RANBP3L: variants seen among roughly 807,000 people sequenced by gnomAD.
RANBP3L encodes the protein RAN binding protein 3 like.
Under a neutral mutation model 67.2 loss-of-function variants are expected in RANBP3L, and 56 were observed. The ratio of observed to expected loss-of-function variants is 0.83; its 90% confidence interval spans 0.67 to 1.04. RANBP3L has a LOEUF of 1.04. RANBP3L is among the 50% of genes least tolerant of loss of function. RANBP3L has a pLI of 0.00. For synonymous variants in RANBP3L, 164 were observed against 181.4 expected (o/e 0.90, Z 0.77); for missense variants, 496 against 535.5 (o/e 0.93, Z 0.73).
At position 36,254,080 on chromosome 5, in the gene RANBP3L, G is replaced by A. The variant is rs73081918; in HGVS notation, c.1025-291C>T. Among the ~76,000 whole-genome samples the A allele has an allele frequency of 7.8e-3, 1,179 of 152,114 alleles. 11 individuals are homozygous for A. Among genetic ancestry groups the A allele is most frequent in the African/African-American group, 0.027 (1,119 of 41,514 alleles). ...TCTGAAGAATATTTGTCCACGAATT[G>A]TCTACAATGAAGAAAACCAAAACAA... is the stretch of plus-strand genomic sequence containing the variant. On this transcript the variant is annotated intron_variant, in intron 11 of 13. Coordinates refer to ENST00000296604, the MANE Select transcript of RANBP3L (RefSeq NM_145000.5).
intron 1 of RANBP3L, among the ~76,000 whole-genome samples, chr5:36,288,350 A>T: frequency 1.3e-5 from 2 of 152,190 alleles, no homozygotes; most frequent in Non-Finnish European, 2.9e-5. Flanking sequence ...CAGTGTGTTA[A>T]TATACCGCAA....
At chr5:36,294,848 CAT>C (rs906184402) in intron 1 of RANBP3L, among the ~76,000 whole-genome samples, 16 of 143,814 alleles carry the variant, frequency 1.1e-4, no homozygotes, top group East Asian at 6.0e-4. Flanking sequence ...GACATATAAA[CAT>C]ATATATACTC....
rs534643617 is a variant in RANBP3L, at chr5:36,276,618, A to AC, written c.92-5308dup. ...TTTTTTTCTATTTTATGTACTATAT[A>AC]CCCCCCCTAATTTTGGGTGGGTTAT... On this transcript the variant is annotated intron_variant, in intron 1 of 13. Coordinates refer to ENST00000296604, the MANE Select transcript of RANBP3L (RefSeq NM_145000.5). 9.9e-5 allele frequency among the ~76,000 whole-genome samples: 15 copies of AC among 151,430 alleles called. No individual in the cohort carries two copies. In the South Asian group the frequency reaches 2.1e-3, roughly 21 times the overall value.
At chr5:36,300,812 T>C (rs1198143396) in intron 1 of RANBP3L, among the ~76,000 whole-genome samples, 1 of 152,102 alleles carries the variant, frequency 6.6e-6, no homozygotes, top group South Asian at 2.1e-4. Context: ...GCCCAGCAAG[T>C]GAAATGTGAC....
chr5:36,263,667 C>G (rs938965688), intron 6 of RANBP3L, among the ~76,000 whole-genome samples: 3 of 152,140 alleles, frequency 2.0e-5, no homozygotes, highest in African/African-American at 7.2e-5. Flanking sequence ...GCTAGGACTA[C>G]AGGCACATGC....
At chr5:36,269,323 T>C in intron 4 of RANBP3L, 67 bp downstream of exon 4, 1 of 943,878 alleles carries the variant, frequency 1.1e-6, no homozygotes, top group Non-Finnish European at 1.7e-6. Flanking sequence ...TTTTGAAAAG[T>C]TTCTCAGTAA....
chr5:36,265,152 C>A (rs1749673771), intron 5 of RANBP3L, 54 bp from the exon 6 acceptor site: 4 of 1,114,780 alleles, frequency 3.6e-6, no homozygotes, highest in South Asian at 3.3e-5. Context: ...TATTCCTTTA[C>A]TCCCTATTTT....
intron 2 of RANBP3L, among the ~76,000 whole-genome samples, chr5:36,270,903 A>T (rs559664096): frequency 6.6e-6 from 1 of 152,342 alleles, no homozygotes; most frequent in Non-Finnish European, 1.5e-5. Context: ...GTAATTTAGA[A>T]TGTGTTTTTT....
At chr5:36,288,787 G>C (rs1751504015) in intron 1 of RANBP3L, among the ~76,000 whole-genome samples, 1 of 152,102 alleles carries the variant, frequency 6.6e-6, no homozygotes. Flanking sequence ...GTGTTTGCCA[G>C]ATCTTTTGCC....
chr5:36,297,056 T>C (rs1299475144), intron 1 of RANBP3L, among the ~76,000 whole-genome samples: 1 of 152,168 alleles, frequency 6.6e-6, no homozygotes, highest in Admixed American at 6.6e-5. Flanking sequence ...ATTTTGCATA[T>C]AACTTTTGCT....
rs570831732 is a variant in RANBP3L, at chr5:36,288,765, T to C, written c.91+12561A>G. On this transcript the variant is annotated intron_variant, in intron 1 of 13. Transcript: ENST00000296604. Reference sequence around the variant, plus strand: ...GATGTGCTTTTGGCCATTTATATACTTTCTTTTTGAAGTGTTTGCCAGATC... The same window carrying C: ...GATGTGCTTTTGGCCATTTATATACCTTCTTTTTGAAGTGTTTGCCAGATC... 3.9e-5 allele frequency among the ~76,000 whole-genome samples: 6 copies of C among 152,310 alleles called. No individual in the cohort carries two copies. The South Asian group carries it at 1.2e-3, about 32-fold the overall frequency.
intron 1 of RANBP3L, among the ~76,000 whole-genome samples, chr5:36,298,393 G>A (rs1372361804): frequency 2.0e-5 from 3 of 152,086 alleles, no homozygotes; most frequent in Non-Finnish European, 4.4e-5. Context: ...TAGTCTGTAT[G>A]CTAAATAATA....
rs1196281797 is a variant in RANBP3L, at chr5:36,271,288, T to C, written c.115A>G (p.Ile39Val). ...TGTTCTCCCTTTTCAAAAACAAATATGGGTTGAGCAATGACAGATTTTTCT... is the reference window on the plus strand; with the variant it reads ...TGTTCTCCCTTTTCAAAAACAAATACGGGTTGAGCAATGACAGATTTTTCT... Reference protein sequence around the residue: ...QQEKSVIAQPIFVFEKGEQTF... With the variant: ...QQEKSVIAQPVFVFEKGEQTF... Residue 39 changes from isoleucine to valine, a missense_variant, in exon 2 of 14, where the codon ATA becomes GTA. Coordinates refer to ENST00000296604, the MANE Select transcript of RANBP3L (RefSeq NM_145000.5). The C allele has an allele frequency of 2.1e-5, 34 of 1,589,646 alleles. No homozygotes were observed. Among genetic ancestry groups the C allele is most frequent in the Non-Finnish European group, 2.8e-5 (33 of 1,158,860 alleles).
intron 1 of RANBP3L, among the ~76,000 whole-genome samples, chr5:36,294,540 G>A (rs2112141205): frequency 6.6e-6 from 1 of 151,922 alleles, no homozygotes; most frequent in South Asian, 2.1e-4. Context: ...TGGGCATTTA[G>A]TGCTATAAAT....
intron 5 of RANBP3L, 92 bp from the exon 6 acceptor site, chr5:36,265,190 G>T: frequency 1.1e-6 from 1 of 890,758 alleles, no homozygotes; most frequent in Non-Finnish European, 1.6e-6. Flanking sequence ...ATTTTCTAAA[G>T]TCATGTTTAA....
intron 1 of RANBP3L, among the ~76,000 whole-genome samples, chr5:36,272,128 A>G (rs1292431077): frequency 1.5e-5 from 1 of 66,994 alleles, no homozygotes; most frequent in African/African-American, 3.7e-5. Flanking sequence ...TCCTCATCTG[A>G]AAAAAAAAAA....
At chr5:36,300,278 T>C (rs1752523444) in intron 1 of RANBP3L, among the ~76,000 whole-genome samples, 1 of 152,170 alleles carries the variant, frequency 6.6e-6, no homozygotes, top group African/African-American at 2.4e-5. Flanking sequence ...GGTCTAAAAG[T>C]TCACATTGTT....
At chr5:36,251,691 CT>C (rs1748607465) in intron 12 of RANBP3L, among the ~76,000 whole-genome samples, 192 bp from the exon 13 acceptor site, 2 of 152,186 alleles carry the variant, frequency 1.3e-5, no homozygotes, top group South Asian at 4.1e-4. Flanking sequence ...AAAATGTATA[CT>C]TTTATAAGCA....
intron 11 of RANBP3L, among the ~76,000 whole-genome samples, chr5:36,255,242 C>T (rs998685664): frequency 3.9e-5 from 6 of 152,024 alleles, no homozygotes; most frequent in African/African-American, 2.4e-5. Flanking sequence ...GATTTAAAAA[C>T]TTATCAAGGT....
Sources: allele counts gnomAD v4.1 joint callset (sites outside exome capture counted in the v4.1 genomes callset), GRCh38; gene constraint gnomAD v4.1.1; transcripts MANE v1.5; gene names NCBI Gene and HGNC (gene_info 2026-07-23, HGNC 2026-07-21).